Variants in SPTBN5 observed in about 807,000 individuals in gnomAD.
SPTBN5 encodes spectrin beta, non-erythrocytic 5.
A neutral mutation model predicts 477.6 loss-of-function variants in SPTBN5; 513 were observed. The observed-to-expected ratio is 1.07, with a 90% CI of 1.00 to 1.16. The LOEUF (loss-of-function observed/expected upper bound fraction) is 1.16, where lower values mean the gene tolerates loss of function less well. SPTBN5 is among the 50% of genes most tolerant of loss of function. The pLI is 0.00. For synonymous variants in SPTBN5, 2,169 were observed against 2,011.7 expected (o/e 1.08, Z -2.09); for missense variants, 5,062 against 4,731.8 (o/e 1.07, Z -2.05).
chr15:41,858,056 G>C (rs1482027642), intron 49 of SPTBN5, among the ~76,000 whole-genome samples: 2 of 152,202 alleles, frequency 1.3e-5, no homozygotes, highest in Admixed American at 6.5e-5. Context: ...CAGCACTTTG[G>C]GAGGCTGAGG....
rs1404201337 is a variant in SPTBN5, at chr15:41,875,019, A to G, written c.4325T>C (p.Leu1442Pro). 6.8e-6 allele frequency: 11 copies of G among 1,613,330 alleles called. No homozygotes were observed. Among genetic ancestry groups the G allele is most frequent in the Non-Finnish European group, 9.3e-6 (11 of 1,179,776 alleles). The change falls in exon 23 of 68, where the codon CTA becomes CCA. Residue 1442 changes from leucine (L) to proline (P), a missense_variant. Leu to Pro is a moderately conservative substitution (Grantham distance 98). Coordinates refer to ENST00000320955, the MANE Select transcript of SPTBN5 (RefSeq NM_016642.4). ...GTCCTGCCCTGTTTCCGAGCTCTGT[A>G]GGGCCCCTTCGAGCTGCTCCAGCTG... ...KEQLEQLEGA[L>P]QSSETGQDLR...
At chr15:41,854,317 G>A in intron 56 of SPTBN5, 112 bp from the exon 57 acceptor site, 1 of 1,255,072 alleles carries the variant, frequency 8.0e-7, no homozygotes. Context: ...GGATCATGGG[G>A]CTTGATGTGT....
chr15:41,868,680 G>C, intron 32 of SPTBN5, 79 bp from the exon 33 acceptor site: 2 of 1,448,130 alleles, frequency 1.4e-6, no homozygotes. Flanking sequence ...GGCAACTGCA[G>C]CCCACCTGAG....
chr15:41,881,059 T>C lies in SPTBN5; in HGVS notation c.2633A>G (p.Tyr878Cys), dbSNP rs776261110. The change falls in exon 13 of 68, where the codon TAT becomes TGT. Residue 878 changes from tyrosine (Y) to cysteine (C), a missense_variant. Coordinates refer to ENST00000320955, the MANE Select transcript of SPTBN5 (RefSeq NM_016642.4). ...LQTQDHLSQDYESLRALAQLR... is the reference protein window; with the variant it reads ...LQTQDHLSQDCESLRALAQLR... ...CTGTGCCAGGGCCCGCAGACTCTCATAGTCCTGACTCAAGTGGTCCTGTGT... is the reference window on the plus strand; with the variant it reads ...CTGTGCCAGGGCCCGCAGACTCTCACAGTCCTGACTCAAGTGGTCCTGTGT... 4.9e-5 allele frequency: 79 copies of C among 1,599,854 alleles called. 1 individual carries two copies. The Admixed American group carries it at 1.0e-3, about 21-fold the overall frequency.
In SPTBN5 at chr15:41,885,901, C is replaced by A. The variant is rs2067131440; in HGVS notation, c.1354G>T (p.Ala452Ser). 6.3e-7 allele frequency: 1 copy of A among 1,584,578 alleles called. No individual in the cohort carries two copies. Among genetic ancestry groups the A allele is most frequent in the East Asian group, 2.3e-5 (1 of 43,156 alleles). ...GCCAGGCTGGCTGGCGGGGCTCTGG[C>A]CTGGTCTAGCACCTGCTCTGCATCC... Reference protein sequence around the residue: ...LKDAEQVLDQARAPPASLATV... With the variant: ...LKDAEQVLDQSRAPPASLATV... Residue 452 changes from alanine (A) to serine (S), a missense_variant, in exon 7 of 68, where the codon GCC becomes TCC. Transcript: ENST00000320955.
chr15:41,853,420 C>T lies in SPTBN5; in HGVS notation c.10008G>A (p.Leu3336=), dbSNP rs772072912. 1 of 1,593,032 alleles carries T rather than the reference C, an allele frequency of 6.3e-7. No homozygotes were observed. Among genetic ancestry groups the T allele is most frequent in the Non-Finnish European group, 8.6e-7 (1 of 1,166,348 alleles). ...CCTCAGCCAGCTCCTCGGAGGACGC[C>T]AGCTCCTGCCTCTCCTGTGCCCATG... ...LLAWAQERQE[L]ASSEELAEDV... The change falls in exon 59 of 68, where the codon CTG becomes CTA. Residue 3336 remains leucine, a synonymous_variant. Transcript: ENST00000320955.
chr15:41,875,914 G>T (rs572777884), intron 21 of SPTBN5, among the ~76,000 whole-genome samples, 200 bp downstream of exon 21: 1 of 152,312 alleles, frequency 6.6e-6, no homozygotes, highest in Non-Finnish European at 1.5e-5. Context: ...GTAGGGGAAG[G>T]GATGGATGGC....
rs549138106 is a variant in SPTBN5, at chr15:41,864,565, T to C, written c.6919-541A>G. Among the ~76,000 whole-genome samples, 4 of 152,348 alleles carry C rather than the reference T, an allele frequency of 2.6e-5. No individual in the cohort carries two copies. In the East Asian group the frequency reaches 7.7e-4, roughly 29 times the overall value. On this transcript the variant is annotated intron_variant, in intron 39 of 67. Transcript: ENST00000320955. Reference sequence around the variant, plus strand: ...CTGACCTCAAGTGATCTGCCCGCCTTGGCCTCCCAAACTGCTGGGATTACA... The same window carrying C: ...CTGACCTCAAGTGATCTGCCCGCCTCGGCCTCCCAAACTGCTGGGATTACA...
chr15:41,877,792 A>G (rs945149545), intron 17 of SPTBN5, among the ~76,000 whole-genome samples: 3 of 152,236 alleles, frequency 2.0e-5, no homozygotes, highest in African/African-American at 7.2e-5. Context: ...GAGTCTGGCA[A>G]GCTGAGGGCC....
At chr15:41,861,366 C>T in intron 46 of SPTBN5, 53 bp downstream of exon 46, 1 of 1,524,634 alleles carries the variant, frequency 6.6e-7, no homozygotes, top group Non-Finnish European at 9.1e-7. Flanking sequence ...GGTTTGACCC[C>T]TAATGCTGCT....
rs1387264602 is a variant in SPTBN5 at position 41,875,048 on chromosome 15, C to T, written c.4296G>A (p.Lys1432=). ...EQLLRQLQDA[K]EQLEQLEGAL... is the part of the protein sequence containing the mutation. ...CCCCTTCGAGCTGCTCCAGCTGCTC[C>T]TTTGCATCCTGGGAGGGACGCATGG... Residue 1432 remains lysine, a synonymous_variant, in exon 23 of 68, where the codon AAG becomes AAA. Coordinates refer to ENST00000320955, the MANE Select transcript of SPTBN5 (RefSeq NM_016642.4). 2 of 1,610,624 alleles carry T rather than the reference C, an allele frequency of 1.2e-6. No individual in the cohort carries two copies. The highest frequency in any genetic ancestry group is 3.3e-5 in the Admixed American group (2 of 59,836).
In SPTBN5 at chr15:41,868,107, C is replaced by G. The variant is rs755756093; in HGVS notation, c.6169G>C (p.Glu2057Gln). 1 of 1,603,564 alleles carries G rather than the reference C, an allele frequency of 6.2e-7. No individual in the cohort carries two copies. Among genetic ancestry groups the G allele is most frequent in the Non-Finnish European group, 8.5e-7 (1 of 1,176,690 alleles). ...AGGATCTCCTCCAGGCGGCCGCACT[C>G]TCTGAGGAAGAGCTGCTCCTGCTGC... ...AEQQEQLFLRECGRLEEILAA... is the reference protein window; with the variant it reads ...AEQQEQLFLRQCGRLEEILAA... Residue 2057 changes from glutamate (E) to glutamine (Q), a missense_variant, in exon 34 of 68, where the codon GAG becomes CAG. Glu to Gln is a conservative substitution (Grantham distance 29, BLOSUM62 2). Coordinates refer to ENST00000320955, the MANE Select transcript of SPTBN5 (RefSeq NM_016642.4).
chr15:41,857,529 G>C, intron 50 of SPTBN5, 35 bp from the exon 51 acceptor site: 1 of 1,603,774 alleles, frequency 6.2e-7, no homozygotes. Flanking sequence ...GGAGGGGAGT[G>C]TCCTGGAGCC....
chr15:41,891,294 C>T (rs2067304348), intron 3 of SPTBN5, among the ~76,000 whole-genome samples: 1 of 152,162 alleles, frequency 6.6e-6, no homozygotes, highest in African/African-American at 2.4e-5. Context: ...CTGGCTTCAG[C>T]CGGCCACTAC....
Position 41,882,677 on chromosome 15 carries a change from C to A in SPTBN5, c.1954G>T (p.Glu652Ter), listed in dbSNP as rs1367333938. 1.9e-6 allele frequency: 3 copies of A among 1,608,870 alleles called. No individual in the cohort carries two copies. The South Asian group carries it at 3.3e-5, about 18-fold the overall frequency. The part of the protein sequence containing the change: ...AEFLRNCEEE[E>*]AWLKECGQRV... ...TGTCCGCACTCCTTCAGCCAGGCTT[C>A]CTCCTCCTCACAGTTGCGCAGGAAC... The change falls in exon 10 of 68, where the codon GAA (glutamate) becomes TAA (stop). Residue 652 changes from glutamate (E) to a stop codon, truncating the protein, a stop_gained. Transcript: ENST00000320955. LOFTEE classifies it high-confidence loss of function.
chr15:41,886,484 C>A (rs1158174356), intron 6 of SPTBN5, 118 bp from the exon 7 acceptor site: 1 of 1,198,508 alleles, frequency 8.3e-7, no homozygotes, highest in Non-Finnish European at 1.1e-6. Context: ...GCCAAAGATG[C>A]TTTGAAGTGG....
In SPTBN5 at chr15:41,848,485, G is replaced by T; in HGVS notation, c.*131C>A. 9.5e-7 allele frequency: 1 copy of T among 1,050,722 alleles called. No individual in the cohort carries two copies. The highest frequency in any genetic ancestry group is 1.5e-6 in the Non-Finnish European group (1 of 669,480). 65.1% of individuals were successfully genotyped at this position (1,050,722 alleles called of 1,614,324 possible). On this transcript the variant is annotated 3_prime_UTR_variant, in exon 68 of 68. Coordinates refer to ENST00000320955, the MANE Select transcript of SPTBN5 (RefSeq NM_016642.4). ...CCAGAAGGAACTGTCTATTCCAGAA[G>T]CTGGGCCTGGGGAACTGGGTTGAAG...
intron 39 of SPTBN5, among the ~76,000 whole-genome samples, chr15:41,864,333 T>C (rs989707812): frequency 2.6e-5 from 4 of 152,142 alleles, no homozygotes; most frequent in Non-Finnish European, 4.4e-5. Context: ...ACAGAGACTC[T>C]TGAGACGGAG....
chr15:41,868,098 G>T lies in SPTBN5; in HGVS notation c.6178C>A (p.Arg2060Ser), dbSNP rs200487166. 2 of 1,604,050 alleles carry T rather than the reference G, an allele frequency of 1.2e-6. No individual in the cohort carries two copies. Among genetic ancestry groups the T allele is most frequent in the East Asian group, 4.5e-5 (2 of 44,654 alleles). ...QEQLFLRECG[R>S]LEEILAAQEV... The stretch of plus-strand genomic sequence containing the variant: ...TGGGCCGCGAGGATCTCCTCCAGGC[G>T]GCCGCACTCTCTGAGGAAGAGCTGC... The change falls in exon 34 of 68, where the codon CGC (arginine) becomes AGC (serine). Residue 2060 changes from arginine to serine, a missense_variant. Arg to Ser is a moderately radical substitution (Grantham distance 110). Transcript: ENST00000320955.
Sources: gnomAD v4.1 joint callset for allele counts (sites outside exome capture counted in the v4.1 genomes callset) on GRCh38, gnomAD v4.1.1 for gene constraint, MANE v1.5 for transcripts, NCBI Gene and HGNC (gene_info 2026-07-23, HGNC 2026-07-21) for gene names.